BCL9: variants seen among roughly 807,000 people sequenced by gnomAD.
The protein encoded by BCL9 is B-cell CLL/lymphoma 9 protein.
Under a neutral mutation model 88.5 loss-of-function variants are expected in BCL9, and 25 were observed. That is an observed-to-expected ratio of 0.28 (90% CI 0.21 to 0.39). The LOEUF is 0.39. Ranked by LOEUF, BCL9 falls within the 10% of genes least tolerant of loss-of-function variation. The pLI, the probability that BCL9 is intolerant of heterozygous loss-of-function variation, is 1.00. For synonymous variants in BCL9, 711 were observed against 673.3 expected, an observed-to-expected ratio of 1.06 and a Z score of -0.87; for missense variants, 1,817 against 1,877.8, an observed-to-expected ratio of 0.97 and a Z score of 0.60.
chr1:147,606,948 T>G (rs1439487219), intron 3 of BCL9, 82 bp downstream of exon 3: 1 of 152,460 alleles, frequency 6.6e-6, no homozygotes, highest in Non-Finnish European at 1.5e-5. Context: ...CAGCTTTTAT[T>G]TAACGATTTT....
chr1:147,569,473 C>CAA (rs79619243), intron 1 of BCL9, among the ~76,000 whole-genome samples: 88,568 of 124,874 alleles, frequency 0.71, 31,500 homozygotes, highest in South Asian at 0.77. Flanking sequence ...TACTAAAATA[C>CAA]AAAAAAAAAA....
At chr1:147,583,109 TATGAA>T (rs1656441424) in intron 1 of BCL9, among the ~76,000 whole-genome samples, 1 of 152,250 alleles carries the variant, frequency 6.6e-6, no homozygotes, top group Non-Finnish European at 1.5e-5. Context: ...ATTCTGTGTA[TATGAA>T]ATATTACATT....
At chr1:147,600,457 C>G (rs1657326754) in intron 1 of BCL9, 1 of 34,646 alleles carries the variant, frequency 2.9e-5, no homozygotes, top group African/African-American at 1.2e-4. Flanking sequence ...CCGCGAAGAG[C>G]GGGGTGGAGG....
At chr1:147,622,183 G>A (rs1359888098) in intron 8 of BCL9, 88 bp from the exon 9 acceptor site, 2 of 1,518,248 alleles carry the variant, frequency 1.3e-6, no homozygotes, top group African/African-American at 2.8e-5. Flanking sequence ...CTCATTCCTG[G>A]CCTTGCTAGT....
rs1017977806 is a variant in BCL9, at chr1:147,604,794, G to T, written c.-460G>T. On this transcript the variant is annotated 5_prime_UTR_variant, in exon 2 of 10. Coordinates refer to ENST00000234739, the MANE Select transcript of BCL9 (RefSeq NM_004326.4). ...CTGTATAGGACTGAATGTGGGCCCA[G>T]TTGGCGTCATTCTGCTTTGACCTAA... The T allele has an allele frequency of 1.5e-4, 23 of 152,332 alleles. No individual in the cohort carries two copies. Among genetic ancestry groups the T allele is most frequent in the African/African-American group, 5.5e-4 (23 of 41,566 alleles). 9.4% of individuals were successfully genotyped at this position (152,332 alleles called of 1,614,324 possible).
At chr1:147,610,983 C>T (rs1253167309) in intron 3 of BCL9, among the ~76,000 whole-genome samples, 1 of 152,154 alleles carries the variant, frequency 6.6e-6, no homozygotes, top group Non-Finnish European at 1.5e-5. Context: ...ATAGAAAGAT[C>T]ATGGAAATCA....
Position 147,619,541 on chromosome 1 carries a change from T to C in BCL9, c.1386T>C (p.Leu462=), listed in dbSNP as rs781888975. The change falls in exon 8 of 10, where the codon CTT becomes CTC. Residue 462 remains leucine (L), a synonymous_variant. Transcript: ENST00000234739. The surrounding 1 kb of genome is among the most constrained non-coding windows in gnomAD (Gnocchi z 4.1). ...SQSGTIGPDH[L]DHMTPEQIAW... Reference sequence around the variant, plus strand: ...CTGGGACCATAGGACCCGACCACCTTGACCATATGACTCCCGAGCAGATAG... The same window carrying C: ...CTGGGACCATAGGACCCGACCACCTCGACCATATGACTCCCGAGCAGATAG... 8.1e-6 allele frequency: 13 copies of C among 1,613,904 alleles called. No individual in the cohort carries two copies. The South Asian group carries it at 1.4e-4, about 18-fold the overall frequency.
intron 9 of BCL9, among the ~76,000 whole-genome samples, chr1:147,623,555 G>A (rs587693571): frequency 2.0e-4 from 30 of 152,246 alleles, no homozygotes; most frequent in South Asian, 6.2e-4. Flanking sequence ...TGAGGAAGGC[G>A]AAACTCATTT....
rs138771044 is a variant in BCL9, at chr1:147,620,329, A to G, written c.2174A>G (p.Asn725Ser). Residue 725 changes from asparagine (N) to serine (S), a missense_variant, in exon 8 of 10, where the codon AAC (asparagine) becomes AGC (serine). By Grantham distance (46) the Asn-to-Ser change is conservative. This residue lies in a region of BCL9 where 1,228 missense variants were observed against 1,191.6 expected (regional missense o/e 1.03). Transcript: ENST00000234739. Reference sequence around the variant, plus strand: ...AAGGGAGATGTCAATCTAAATGTCAACATGGGATCCAACTCTCAGATGATA... The same window carrying G: ...AAGGGAGATGTCAATCTAAATGTCAGCATGGGATCCAACTCTCAGATGATA... Reference protein sequence around the residue: ...GMKGDVNLNVNMGSNSQMIPQ... With the variant: ...GMKGDVNLNVSMGSNSQMIPQ... 45 of 1,614,092 alleles carry G rather than the reference A, an allele frequency of 2.8e-5. No individual in the cohort carries two copies. The highest frequency in any genetic ancestry group is 3.4e-5 in the Non-Finnish European group (40 of 1,180,042).
chr1:147,575,370 C>T (rs1408689402), intron 1 of BCL9, among the ~76,000 whole-genome samples: 1 of 152,290 alleles, frequency 6.6e-6, no homozygotes, highest in East Asian at 1.9e-4. Flanking sequence ...CCCACCAAAC[C>T]ATAAGCTCAT....
At chr1:147,560,801 C>A (rs1247728780) in intron 1 of BCL9, among the ~76,000 whole-genome samples, 3 of 151,960 alleles carry the variant, frequency 2.0e-5, no homozygotes, top group African/African-American at 7.3e-5. Context: ...AACAAGGCAT[C>A]GTTACTTCAT....
intron 1 of BCL9, among the ~76,000 whole-genome samples, chr1:147,590,661 C>G (rs1656809782): frequency 6.6e-6 from 1 of 152,158 alleles, no homozygotes; most frequent in South Asian, 2.1e-4. Flanking sequence ...GAACCCAGCT[C>G]CTTTATTAAG....
intron 1 of BCL9, among the ~76,000 whole-genome samples, chr1:147,556,183 A>G (rs1270464977): frequency 6.6e-6 from 1 of 152,094 alleles, no homozygotes; most frequent in Non-Finnish European, 1.5e-5. Context: ...CAATGGCTCC[A>G]TCTTGGCTCA....
At chr1:147,587,147 C>G (rs587626742) in intron 1 of BCL9, among the ~76,000 whole-genome samples, 8 of 152,202 alleles carry the variant, frequency 5.3e-5, no homozygotes, top group Middle Eastern at 6.8e-3. Flanking sequence ...TTCATCACAA[C>G]GACAGTCTTT....
At chr1:147,603,447 TAAC>T (rs1337383398) in intron 1 of BCL9, among the ~76,000 whole-genome samples, 1 of 152,222 alleles carries the variant, frequency 6.6e-6, no homozygotes, top group African/African-American at 2.4e-5. Flanking sequence ...GTTGGCAGAA[TAAC>T]TTCTCTGTCT....
At chr1:147,593,545 T>C (rs1656929276) in intron 1 of BCL9, among the ~76,000 whole-genome samples, 1 of 152,192 alleles carries the variant, frequency 6.6e-6, no homozygotes. Context: ...ATTATAAGTG[T>C]TTGCTTGTCA....
Position 147,624,644 on chromosome 1 carries a change from C to G in BCL9, c.3966C>G (p.Leu1322=), listed in dbSNP as rs782630352. The change falls in exon 10 of 10, where the codon CTC becomes CTG. Residue 1322 remains leucine (L), a synonymous_variant. Coordinates refer to ENST00000234739, the MANE Select transcript of BCL9 (RefSeq NM_004326.4). The surrounding 1 kb of genome is among the most constrained non-coding windows in gnomAD (Gnocchi z 4.4). ...ACCCCATGAGACCACCAGCCTTTCT[C>G]CAACAAGGCATGATGGGACCTCACC... ...GHNPMRPPAF[L]QQGMMGPHHR... 1 of 1,614,212 alleles carries G rather than the reference C, an allele frequency of 6.2e-7. No homozygotes were observed. Among genetic ancestry groups the G allele is most frequent in the Non-Finnish European group, 8.5e-7 (1 of 1,180,034 alleles).
In BCL9 at chr1:147,620,500, G is replaced by C. The variant is rs34002844; in HGVS notation, c.2345G>C (p.Arg782Thr). ...CAGCAGGAGTATGGCATGGGCCCCA[G>C]ACCATTCCTTCCCATGTCTCAGGGT... ...HPQQEYGMGP[R>T]PFLPMSQGPG... The change falls in exon 8 of 10, where the codon AGA becomes ACA. Residue 782 changes from arginine (R) to threonine (T), a missense_variant. Physicochemically the swap from Arg to Thr is moderately conservative, Grantham distance 71 (BLOSUM62 -1). This residue lies in a region of BCL9 where 1,228 missense variants were observed against 1,191.6 expected (regional missense o/e 1.03). Coordinates refer to ENST00000234739, the MANE Select transcript of BCL9 (RefSeq NM_004326.4). The C allele has an allele frequency of 1.9e-6, 3 of 1,614,156 alleles. No homozygotes were observed. In the East Asian group the frequency reaches 6.7e-5, roughly 36 times the overall value.
chr1:147,565,126 T>A (rs1486467737), intron 1 of BCL9, among the ~76,000 whole-genome samples: 1 of 152,174 alleles, frequency 6.6e-6, no homozygotes, highest in Non-Finnish European at 1.5e-5. Context: ...TTAGCCATGA[T>A]AAAACCAAGC....
Sources: gnomAD v4.1 joint callset for allele counts (sites outside exome capture counted in the v4.1 genomes callset) on GRCh38, gnomAD v4.1.1 for gene constraint, gnomAD v4.1.1 regional missense constraint, Gnocchi (gnomAD v3.1) non-coding constraint, MANE v1.5 for transcripts, NCBI Gene and HGNC (gene_info 2026-07-23, HGNC 2026-07-21) for gene names.